EBF1: variants seen among roughly 807,000 people sequenced by gnomAD.
EBF1 encodes EBF transcription factor 1.
Under a neutral mutation model 68.4 loss-of-function variants are expected in EBF1, and 10 were observed. The ratio of observed to expected loss-of-function variants is 0.15; its 90% confidence interval spans 0.09 to 0.25. The LOEUF (loss-of-function observed/expected upper bound fraction) is 0.25, where lower values mean the gene tolerates loss of function less well. Ranked by LOEUF, EBF1 falls within the 10% of genes least tolerant of loss-of-function variation. The pLI, the probability that EBF1 is intolerant of heterozygous loss-of-function variation, is 1.00. For synonymous variants in EBF1, 298 were observed against 299.8 expected (o/e 0.99, Z 0.06); for missense variants, 509 against 794.4 (o/e 0.64, Z 4.32).
At chr5:158,851,628 G>A (rs1439376686) in intron 6 of EBF1, among the ~76,000 whole-genome samples, 1 of 75,538 alleles carries the variant, frequency 1.3e-5, no homozygotes, top group Non-Finnish European at 2.8e-5. Context: ...AAAGGGCAGG[G>A]AAGAAAGGAA....
At chr5:158,942,551 A>G (rs1458049353) in intron 6 of EBF1, among the ~76,000 whole-genome samples, 1 of 152,182 alleles carries the variant, frequency 6.6e-6, no homozygotes, top group Non-Finnish European at 1.5e-5. Flanking sequence ...TTCACTGGAC[A>G]TTAGAATTGG....
At chr5:158,888,194 G>A (rs754012814) in intron 6 of EBF1, among the ~76,000 whole-genome samples, 7 of 152,006 alleles carry the variant, frequency 4.6e-5, no homozygotes, top group Non-Finnish European at 8.8e-5. Context: ...TTCTTTTTCC[G>A]TTTTTCCTAG....
intron 6 of EBF1, among the ~76,000 whole-genome samples, chr5:158,935,516 C>T (rs1053997821): frequency 4.6e-5 from 7 of 152,084 alleles, no homozygotes; most frequent in East Asian, 1.9e-4. Flanking sequence ...CATGTGCACG[C>T]GTGCACACAC....
intron 6 of EBF1, among the ~76,000 whole-genome samples, chr5:158,874,644 G>T (rs1250046336): frequency 6.6e-6 from 1 of 151,858 alleles, no homozygotes; most frequent in Admixed American, 6.6e-5. Flanking sequence ...TTTTTAGAAC[G>T]ATCATTCTGA....
chr5:158,881,184 G>T (rs530205382), intron 6 of EBF1, among the ~76,000 whole-genome samples: 7 of 152,156 alleles, frequency 4.6e-5, no homozygotes, highest in South Asian at 2.1e-4. Flanking sequence ...AGTGTTGGGG[G>T]AAAGAGCCAC....
At chr5:158,832,603 G>A (rs550648962) in intron 7 of EBF1, among the ~76,000 whole-genome samples, 88 of 152,274 alleles carry the variant, frequency 5.8e-4, no homozygotes, top group Admixed American at 4.9e-3. Flanking sequence ...TCCAAGACAG[G>A]GGCTGGGAGT....
chr5:158,711,649 T>C (rs1759339614), intron 14 of EBF1, among the ~76,000 whole-genome samples: 1 of 151,892 alleles, frequency 6.6e-6, no homozygotes, highest in South Asian at 2.1e-4. Flanking sequence ...GGTGTCCTCA[T>C]TGTTTATGGG....
intron 10 of EBF1, among the ~76,000 whole-genome samples, chr5:158,772,893 TA>T (rs1376210228): frequency 1.6e-4 from 24 of 152,146 alleles, no homozygotes; most frequent in Admixed American, 7.9e-4. Flanking sequence ...TCCCTGATCC[TA>T]AAAACAACCC....
Position 158,698,869 on chromosome 5 carries a change from GAATA to G in EBF1, c.*238_*241del, listed in dbSNP as rs1756178812. The G allele has an allele frequency of 2.5e-6, 1 of 399,156 alleles. No individual in the cohort carries two copies. Among genetic ancestry groups the G allele is most frequent in the South Asian group, 9.1e-5 (1 of 10,978 alleles). 24.7% of individuals were successfully genotyped at this position (399,156 alleles called of 1,614,324 possible). ...AAGTGGATTTGCTTTTGTCAATACA[GAATA>G]AATATATCCCCCAAATACTTGGGAG... On this transcript the variant is annotated 3_prime_UTR_variant, in exon 16 of 16. Transcript: ENST00000313708.
intron 6 of EBF1, among the ~76,000 whole-genome samples, chr5:159,026,437 C>T (rs1767725785): frequency 6.6e-6 from 1 of 152,102 alleles, no homozygotes; most frequent in African/African-American, 2.4e-5. Flanking sequence ...GGAAGCCAGT[C>T]AGTGCTAACA....
intron 6 of EBF1, among the ~76,000 whole-genome samples, chr5:158,899,109 A>G (rs925115476): frequency 6.6e-6 from 1 of 152,246 alleles, no homozygotes; most frequent in African/African-American, 2.4e-5. Flanking sequence ...TTACGTGAAA[A>G]TGAAAATTAC....
chr5:158,819,274 G>A (rs1032545706), intron 8 of EBF1, among the ~76,000 whole-genome samples: 1 of 152,192 alleles, frequency 6.6e-6, no homozygotes, highest in Non-Finnish European at 1.5e-5. Context: ...AGCTGCAAGC[G>A]CTAATGGTAC....
chr5:158,907,233 A>T (rs1804839873), intron 6 of EBF1, among the ~76,000 whole-genome samples: 1 of 152,212 alleles, frequency 6.6e-6, no homozygotes, highest in South Asian at 2.1e-4. Flanking sequence ...CGAAGGTGAC[A>T]AGGAGGGAAG....
intron 8 of EBF1, among the ~76,000 whole-genome samples, chr5:158,812,459 C>A (rs1782857045): frequency 6.6e-6 from 1 of 152,114 alleles, no homozygotes; most frequent in African/African-American, 2.4e-5. Context: ...TAAGCTCCCC[C>A]TTTAGTGGGC....
chr5:158,918,915 A>C (rs6869051), intron 6 of EBF1, among the ~76,000 whole-genome samples: 1 of 152,144 alleles, frequency 6.6e-6, no homozygotes, highest in Non-Finnish European at 1.5e-5. Context: ...GGGAGGGCTT[A>C]TATATAGAAA....
chr5:158,825,912 C>A (rs1310157347), intron 7 of EBF1, among the ~76,000 whole-genome samples: 1 of 150,444 alleles, frequency 6.6e-6, no homozygotes, highest in Non-Finnish European at 1.5e-5. Context: ...ATCCACAGAG[C>A]GACTTGTAAA....
chr5:158,804,159 C>T (rs889051778), intron 8 of EBF1, among the ~76,000 whole-genome samples: 1 of 151,372 alleles, frequency 6.6e-6, no homozygotes, highest in African/African-American at 2.4e-5. Flanking sequence ...GCATTAATGG[C>T]TCTCGCAGAA....
At chr5:158,903,642 G>A (rs896057555) in intron 6 of EBF1, among the ~76,000 whole-genome samples, 7 of 152,030 alleles carry the variant, frequency 4.6e-5, no homozygotes, top group Non-Finnish European at 7.4e-5. Flanking sequence ...CATTGGTGGT[G>A]GCTGATTAAT....
In EBF1 at chr5:158,796,327, T is replaced by C. The variant is rs56710452; in HGVS notation, c.909+18A>G. 355 of 1,602,598 alleles carry C rather than the reference T, an allele frequency of 2.2e-4. 2 individuals are homozygous for C. The African/African-American group carries it at 4.1e-3, about 18-fold the overall frequency. On this transcript the variant is annotated intron_variant, in intron 9 of 15. Coordinates refer to ENST00000313708, the MANE Select transcript of EBF1 (RefSeq NM_024007.5). ...ACTAGATCAAGCTATTAGATATTAA[T>C]GTTCAGACAACACCTACCTCACTCC...
Sources: gnomAD v4.1 joint callset for allele counts (sites outside exome capture counted in the v4.1 genomes callset) on GRCh38, gnomAD v4.1.1 for gene constraint, MANE v1.5 for transcripts, NCBI Gene and HGNC (gene_info 2026-07-23, HGNC 2026-07-21) for gene names.